The following USP54 variants were observed in gnomAD, a reference collection of about 807,000 sequenced individuals.
USP54 encodes the protein ubiquitin carboxyl-terminal hydrolase 54.
In USP54, 87 loss-of-function variants were observed where a neutral mutation model predicts 170.5. The ratio of observed to expected loss-of-function variants is 0.51; its 90% CI spans 0.43 to 0.61. USP54 has a LOEUF of 0.61. Ranked by LOEUF, USP54 falls within the 20% of genes least tolerant of loss-of-function variation. The probability of loss-of-function intolerance (pLI) is 0.00; values close to 1 mark genes in which losing one functional copy is unlikely to be tolerated. For synonymous variants in USP54, 655 were observed against 742.8 expected (o/e 0.88, Z 1.92); for missense variants, 1,786 against 2,047.8 (o/e 0.87, Z 2.47).
At chr10:73,575,475 A>T in intron 3 of USP54, 37 bp downstream of exon 3, 1 of 1,560,508 alleles carries the variant, frequency 6.4e-7, no homozygotes, top group Non-Finnish European at 8.7e-7. Flanking sequence ...AGCAATTAAA[A>T]GTCAAAGTTC....
intron 1 of USP54, among the ~76,000 whole-genome samples, chr10:73,576,856 A>T (rs948273007): frequency 3.9e-5 from 6 of 152,228 alleles, no homozygotes; most frequent in African/African-American, 1.4e-4. Flanking sequence ...CCAGAGAAAC[A>T]CTGATGGCGA....
chr10:73,609,563 T>C (rs1276611013), intron 1 of USP54, among the ~76,000 whole-genome samples: 2 of 150,846 alleles, frequency 1.3e-5, no homozygotes, highest in African/African-American at 4.9e-5. Flanking sequence ...AATACAAAAA[T>C]TGCCGGGCAT....
At chr10:73,513,995 A>G (rs1263138459) in intron 20 of USP54, among the ~76,000 whole-genome samples, 1 of 151,872 alleles carries the variant, frequency 6.6e-6, no homozygotes, top group African/African-American at 2.4e-5. Flanking sequence ...TTTTGTATTT[A>G]TAATAGAGAC....
chr10:73,559,998 T>C (rs1050770895), intron 4 of USP54, among the ~76,000 whole-genome samples: 15 of 151,830 alleles, frequency 9.9e-5, no homozygotes, highest in South Asian at 2.1e-4. Context: ...TTAGCTGAGA[T>C]AGTGCCACTG....
At chr10:73,573,324 C>G (rs1411442803) in intron 3 of USP54, among the ~76,000 whole-genome samples, 4 of 152,034 alleles carry the variant, frequency 2.6e-5, no homozygotes, top group African/African-American at 9.7e-5. Flanking sequence ...AGAAAGAAAA[C>G]TAATATGCAT....
In USP54 at chr10:73,582,159, G is replaced by T. The variant is rs139272228; in HGVS notation, c.-581-5798C>A. On this transcript the variant is annotated intron_variant, in intron 1 of 23. Coordinates refer to ENST00000687698, the MANE Select transcript of USP54 (RefSeq NM_001391956.1). ...TCAAAGGAACTGGCTTGTGCATAAA[G>T]GGAGATGAGGCCTGGAAGGACACTG... Among the ~76,000 whole-genome samples, 1,270 of 152,272 alleles carry T rather than the reference G, an allele frequency of 8.3e-3. 11 individuals are homozygous for T. The highest frequency in any genetic ancestry group is 0.012 in the Non-Finnish European group (844 of 68,022).
intron 1 of USP54, among the ~76,000 whole-genome samples, chr10:73,621,599 CAAAAA>C (rs11380656): frequency 6.5e-5 from 4 of 61,170 alleles, no homozygotes; most frequent in Non-Finnish European, 3.6e-5. Flanking sequence ...CACTCCGTCT[CAAAAA>C]AAAAAAAAAA....
intron 1 of USP54, among the ~76,000 whole-genome samples, chr10:73,617,826 T>C (rs1242160614): frequency 6.7e-6 from 1 of 149,788 alleles, no homozygotes; most frequent in Non-Finnish European, 1.5e-5. Flanking sequence ...GAGAGGATTG[T>C]TTGAGTCCAG....
In USP54 at chr10:73,500,817, G is replaced by T; in HGVS notation, c.4333C>A (p.Pro1445Thr). Residue 1445 changes from proline to threonine, a missense_variant, in exon 23 of 24, where the codon CCT becomes ACT. Pro to Thr is a conservative substitution (Grantham distance 38). This residue lies in a region of USP54 where 1,418 missense variants were observed against 1,569.0 expected (regional missense o/e 0.90). Coordinates refer to ENST00000687698, the MANE Select transcript of USP54 (RefSeq NM_001391956.1). The part of the protein sequence containing the change: ...HSFDSSNVRK[P>T]LETGHRCSSS... Reference sequence around the variant, plus strand: ...GAACAACGGTGCCCGGTTTCCAAAGGCTTCCTCACGTTTGATGAATCCTTA... The same window carrying T: ...GAACAACGGTGCCCGGTTTCCAAAGTCTTCCTCACGTTTGATGAATCCTTA... 6.2e-7 allele frequency: 1 copy of T among 1,600,556 alleles called. No individual in the cohort carries two copies. The highest frequency in any genetic ancestry group is 8.5e-7 in the Non-Finnish European group (1 of 1,175,300).
chr10:73,575,411 A>C (rs982155664), intron 3 of USP54, 101 bp downstream of exon 3: 11 of 1,329,706 alleles, frequency 8.3e-6, no homozygotes, highest in Admixed American at 6.2e-5. Context: ...TACTAACCTC[A>C]AACAGAGACT....
At chr10:73,571,972 T>C (rs959396913) in intron 3 of USP54, among the ~76,000 whole-genome samples, 2 of 152,160 alleles carry the variant, frequency 1.3e-5, no homozygotes, top group African/African-American at 4.8e-5. Context: ...GTGATCTCCT[T>C]AAGTCAATAG....
At chr10:73,518,226 G>A (rs900308008) in intron 19 of USP54, 2 of 985,278 alleles carry the variant, frequency 2.0e-6, no homozygotes, top group African/African-American at 3.5e-5. Flanking sequence ...AAGGAACTAT[G>A]AGGCCACATT....
chr10:73,540,811 A>G (rs950036952), intron 9 of USP54, among the ~76,000 whole-genome samples: 1 of 152,172 alleles, frequency 6.6e-6, no homozygotes, highest in Non-Finnish European at 1.5e-5. Flanking sequence ...AAGAAAACCT[A>G]AAATAAGATC....
intron 3 of USP54, among the ~76,000 whole-genome samples, chr10:73,574,832 T>C (rs1460292723): frequency 1.5e-5 from 2 of 137,040 alleles, no homozygotes; most frequent in Non-Finnish European, 1.5e-5. Flanking sequence ...TACTCCAGCC[T>C]GGGCAATAGA....
chr10:73,526,858 CAAA>C (rs537234019), intron 15 of USP54, 78 bp from the exon 16 acceptor site: 18 of 1,120,584 alleles, frequency 1.6e-5, no homozygotes, highest in African/African-American at 9.9e-5. Context: ...ATCTCTCTCT[CAAA>C]AAAAAAAAAT....
chr10:73,498,738 G>C lies in USP54; in HGVS notation c.4946C>G (p.Ser1649Cys), dbSNP rs1356023399. The C allele has an allele frequency of 1.2e-6, 2 of 1,613,738 alleles. No homozygotes were observed. The highest frequency in any genetic ancestry group is 1.7e-6 in the Non-Finnish European group (2 of 1,179,918). The part of the protein sequence containing the change: ...DDDWRQSSYA[S>C]HSGHRRTVGE... ...CACTGTTCTCCTGTGTCCAGAGTGGGAGGCATAACTGCTTTGCCTCCAGTC... is the reference window on the plus strand; with the variant it reads ...CACTGTTCTCCTGTGTCCAGAGTGGCAGGCATAACTGCTTTGCCTCCAGTC... Residue 1649 changes from serine (S) to cysteine (C), a missense_variant, in exon 24 of 24, where the codon TCC becomes TGC. By Grantham distance (112) the Ser-to-Cys change is moderately radical. Around this residue, in one of 3 missense-constraint regions of USP54, gnomAD observed 1,418 missense variants for 1,569.0 expected, o/e 0.90. Transcript: ENST00000687698.
intron 12 of USP54, among the ~76,000 whole-genome samples, chr10:73,533,696 A>G (rs2064549348): frequency 6.6e-6 from 1 of 152,216 alleles, no homozygotes; most frequent in Non-Finnish European, 1.5e-5. Context: ...CTCAGCAGTC[A>G]TTCACTGTTC....
chr10:73,608,688 GAGTTCGAGACC>G (rs1457974616), intron 1 of USP54, among the ~76,000 whole-genome samples: 1 of 152,124 alleles, frequency 6.6e-6, no homozygotes, highest in Non-Finnish European at 1.5e-5. Flanking sequence ...TTGAGCCCAG[GAGTTCGAGACC>G]AGCCTAGCCA....
At chr10:73,592,107 C>T (rs2078305346), upstream of USP54, among the ~76,000 whole-genome samples, 1 of 151,838 alleles carries the variant, frequency 6.6e-6, no homozygotes, top group South Asian at 2.1e-4. Flanking sequence ...AGAGTCCCAC[C>T]CCCAAACATG....
Sources: gnomAD v4.1 joint callset for allele counts (sites outside exome capture counted in the v4.1 genomes callset) on GRCh38, gnomAD v4.1.1 for gene constraint, gnomAD v4.1.1 regional missense constraint, MANE v1.5 for transcripts, NCBI Gene and HGNC (gene_info 2026-07-23, HGNC 2026-07-21) for gene names.